The following GYPB variants were observed in gnomAD, a reference collection of about 807,000 sequenced individuals.
GYPB encodes the protein glycophorin-B.
In GYPB, 13 loss-of-function variants were observed where a neutral mutation model predicts 15.3. That is an observed-to-expected ratio of 0.85 (90% CI 0.55 to 1.35). GYPB has a LOEUF of 1.35. GYPB is among the 40% of genes most tolerant of loss of function. The probability of loss-of-function intolerance (pLI) is 0.00; values close to 1 mark genes in which losing one functional copy is unlikely to be tolerated. For missense variants in GYPB, 131 were observed against 108.3 expected, an observed-to-expected ratio of 1.21 and a Z score of -0.93; for synonymous variants, 38 against 36.9, an observed-to-expected ratio of 1.03 and a Z score of -0.11.
chr4:144,013,606 C>G (rs1728331013), intron 1 of GYPB, among the ~76,000 whole-genome samples: 1 of 151,082 alleles, frequency 6.6e-6, no homozygotes, highest in Admixed American at 6.6e-5. Context: ...ATGATGAGTT[C>G]ATGTCCTTTG....
Position 144,015,870 on chromosome 4 carries a change from G to GAC in GYPB, c.37+3379_37+3380dup, listed in dbSNP as rs1728462699. Among the ~76,000 whole-genome samples the GAC allele has an allele frequency of 2.6e-5, 4 of 151,148 alleles. No individual in the cohort carries two copies. In the South Asian group the frequency reaches 8.3e-4, roughly 31 times the overall value. On this transcript the variant is annotated intron_variant, in intron 1 of 4. Coordinates refer to ENST00000502664, the MANE Select transcript of GYPB (RefSeq NM_002100.6). ...CATCTACTCGGTGCTTGATTGAATA[G>GAC]ACACAGGAAAACTGAGGCCCACAGG...
chr4:143,996,652 C>A (rs1727327020), intron 4 of GYPB, among the ~76,000 whole-genome samples: 1 of 150,300 alleles, frequency 6.7e-6, no homozygotes, highest in Non-Finnish European at 1.5e-5. Flanking sequence ...CACCTGTAGT[C>A]CCAATTACTG....
At chr4:144,013,379 G>A (rs1728320133) in intron 1 of GYPB, among the ~76,000 whole-genome samples, 3 of 151,194 alleles carry the variant, frequency 2.0e-5, no homozygotes, top group Non-Finnish European at 4.4e-5. Context: ...TAGGGATCTA[G>A]AACTGGAAAT....
At chr4:143,997,483 C>A (rs556131717) in intron 4 of GYPB, 57 bp downstream of exon 4, 13 of 937,252 alleles carry the variant, frequency 1.4e-5, no homozygotes, top group South Asian at 5.2e-5. Flanking sequence ...GAGGAATAAA[C>A]CCTCCTAGAG....
intron 4 of GYPB, among the ~76,000 whole-genome samples, 194 bp from the exon 5 acceptor site, chr4:143,996,498 G>A (rs1727319276): frequency 6.6e-6 from 1 of 151,294 alleles, no homozygotes; most frequent in East Asian, 1.9e-4. Context: ...GGGCGCAGTG[G>A]CTCACACCTG....
intron 1 of GYPB, among the ~76,000 whole-genome samples, chr4:144,006,221 T>G (rs112475369): frequency 0.036 from 5,160 of 144,408 alleles, no homozygotes; most frequent in African/African-American, 0.11. Flanking sequence ...TTGGTATACT[T>G]TCTAGAAAAT....
At chr4:144,016,439 C>A (rs1401496887) in intron 1 of GYPB, among the ~76,000 whole-genome samples, 8 of 149,552 alleles carry the variant, frequency 5.3e-5, no homozygotes, top group Admixed American at 2.7e-4. Flanking sequence ...TCCTTCCTCT[C>A]CCTCTCTGCT....
intron 1 of GYPB, among the ~76,000 whole-genome samples, chr4:144,005,644 T>C (rs1194942177): frequency 6.6e-6 from 1 of 151,678 alleles, no homozygotes; most frequent in Non-Finnish European, 1.5e-5. Context: ...ACATCCAGTC[T>C]CTACCTGAAA....
chr4:144,019,223 A>G, intron 1 of GYPB, 28 bp downstream of exon 1: 1 of 1,610,470 alleles, frequency 6.2e-7, no homozygotes, highest in Non-Finnish European at 8.5e-7. Flanking sequence ...CCAATATAAC[A>G]GAACCAAGAT....
chr4:144,002,382 C>T (rs1206997129), intron 1 of GYPB, among the ~76,000 whole-genome samples: 2 of 151,348 alleles, frequency 1.3e-5, no homozygotes, highest in Non-Finnish European at 2.9e-5. Context: ...CTTAATATGC[C>T]ACAGATATCC....
Position 143,999,596 on chromosome 4 carries a change from C to A in GYPB, c.137-147G>T, listed in dbSNP as rs886188121. The A allele has an allele frequency of 8.4e-5, 50 of 593,134 alleles. 1 individual carries two copies. The highest frequency in any genetic ancestry group is 1.9e-4 in the Admixed American group (6 of 31,758). The allele number at this position is 593,134 out of a possible 1,614,324, so 36.7% of individuals were successfully genotyped here. The stretch of plus-strand genomic sequence containing the variant: ...TCAACTTTCAACATCTAGCTAGTAA[C>A]ATTTATGAGGTAATGTGTCAGTCTT... On this transcript the variant is annotated intron_variant, in intron 2 of 4. Coordinates refer to ENST00000502664, the MANE Select transcript of GYPB (RefSeq NM_002100.6).
chr4:144,005,626 G>A (rs943128029), intron 1 of GYPB, among the ~76,000 whole-genome samples: 2 of 151,480 alleles, frequency 1.3e-5, no homozygotes, highest in Non-Finnish European at 2.9e-5. Flanking sequence ...ACATCTTCTG[G>A]CAGGAACACA....
In GYPB at chr4:144,001,501, T is replaced by C. The variant is rs1438490155; in HGVS notation, c.38-218A>G. The stretch of plus-strand genomic sequence containing the variant: ...GGGGCCAGAAGCCCCTCCAGAATTT[T>C]TGTACAGCAGAGGTTTACAGATAAA... On this transcript the variant is annotated intron_variant, in intron 1 of 4. Transcript: ENST00000502664. Among the ~76,000 whole-genome samples the C allele has an allele frequency of 5.9e-5, 9 of 151,626 alleles. No homozygotes were observed. In the East Asian group the frequency reaches 1.3e-3, roughly 23 times the overall value.
chr4:143,997,744 A>G, intron 3 of GYPB, 110 bp from the exon 4 acceptor site: 1 of 693,620 alleles, frequency 1.4e-6, no homozygotes. Context: ...AATACAAAGT[A>G]CAGTTAACAT....
At chr4:143,997,760 T>C (rs1343631002) in intron 3 of GYPB, 126 bp from the exon 4 acceptor site, 9 of 642,872 alleles carry the variant, frequency 1.4e-5, no homozygotes, top group African/African-American at 7.5e-5. Flanking sequence ...AACATACTAT[T>C]ATGTGTATTT....
intron 1 of GYPB, among the ~76,000 whole-genome samples, chr4:144,007,184 G>GTGA: frequency 6.6e-6 from 1 of 150,968 alleles, no homozygotes; most frequent in East Asian, 1.9e-4. Context: ...AGTGCTTTGT[G>GTGA]TGATAGCATC....
chr4:144,001,312 T>C (rs1299532772), intron 1 of GYPB, 29 bp from the exon 2 acceptor site: 1 of 1,612,592 alleles, frequency 6.2e-7, no homozygotes, highest in Middle Eastern at 1.7e-4. Context: ...GAGAAAGGGA[T>C]TAAGAACGAG....
At chr4:144,009,178 A>G (rs1191048439) in intron 1 of GYPB, among the ~76,000 whole-genome samples, 1 of 151,308 alleles carries the variant, frequency 6.6e-6, no homozygotes, top group Non-Finnish European at 1.5e-5. Flanking sequence ...TGAAACAGAC[A>G]GAGTTGAACT....
chr4:143,998,257 ATT>A (rs1560703664), intron 3 of GYPB, among the ~76,000 whole-genome samples: 2 of 151,494 alleles, frequency 1.3e-5, no homozygotes, highest in Non-Finnish European at 2.9e-5. Context: ...TTGTTAAGTC[ATT>A]TATATGTTGG....
Sources: allele counts gnomAD v4.1 joint callset (sites outside exome capture counted in the v4.1 genomes callset), GRCh38; gene constraint gnomAD v4.1.1; transcripts MANE v1.5; gene names NCBI Gene and HGNC (gene_info 2026-07-23, HGNC 2026-07-21).